DPP10: variants seen among roughly 807,000 people sequenced by gnomAD.
DPP10 encodes dipeptidyl peptidase like 10, also known as inactive dipeptidyl peptidase 10.
DPP10 carries 33 observed loss-of-function variants against 120.9 expected under a neutral mutation model. That is an observed-to-expected ratio of 0.27 (90% confidence interval 0.21 to 0.37). The LOEUF is 0.37. DPP10 is among the 10% of genes least tolerant of loss of function. DPP10 has a pLI of 1.00. For missense variants in DPP10, 816 were observed against 942.8 expected (o/e 0.87, Z 1.76); for synonymous variants, 337 against 326.1 (o/e 1.03, Z -0.36).
Position 115,782,385 on chromosome 2 carries a change from C to T in DPP10, c.1517C>T (p.Thr506Met), listed in dbSNP as rs772423759. 98 of 1,611,966 alleles carry T rather than the reference C, an allele frequency of 6.1e-5. No individual in the cohort carries two copies. Among genetic ancestry groups the T allele is most frequent in the Non-Finnish European group, 7.8e-5 (92 of 1,178,448 alleles). The change falls in exon 17 of 26, where the codon ACG (threonine) becomes ATG (methionine). Residue 506 changes from threonine to methionine, a missense_variant. Around this residue, in one of 3 missense-constraint regions of DPP10, gnomAD observed 592 missense variants for 649.0 expected, o/e 0.91. Coordinates refer to ENST00000410059, the MANE Select transcript of DPP10 (RefSeq NM_020868.6). ...PRVPVVSLHS[T>M]DNPAKYFILE... Reference sequence around the variant, plus strand: ...GTCCCAGTGGTCAGCCTACATAGTACGGACAACCCAGCAAGTGAGTACACA... The same window carrying T: ...GTCCCAGTGGTCAGCCTACATAGTATGGACAACCCAGCAAGTGAGTACACA...
intron 3 of DPP10, among the ~76,000 whole-genome samples, chr2:115,495,584 A>T (rs916019661): frequency 2.0e-5 from 3 of 152,072 alleles, no homozygotes; most frequent in African/African-American, 7.2e-5. Context: ...CTTTGTGTGG[A>T]AGAGGTATAA....
intron 1 of DPP10, among the ~76,000 whole-genome samples, chr2:114,850,673 G>T (rs920207523): frequency 2.0e-5 from 3 of 152,058 alleles, no homozygotes; most frequent in African/African-American, 7.2e-5. Context: ...CCCAGTTTCT[G>T]CTTCCAGACT....
intron 1 of DPP10, among the ~76,000 whole-genome samples, chr2:115,181,158 T>C (rs2054052239): frequency 6.6e-6 from 1 of 152,172 alleles, no homozygotes; most frequent in East Asian, 1.9e-4. Context: ...AGACAAACAG[T>C]TTGGGTGTGA....
chr2:114,529,633 C>G (rs2104723644), intron 1 of DPP10, among the ~76,000 whole-genome samples: 1 of 152,258 alleles, frequency 6.6e-6, no homozygotes, highest in East Asian at 1.9e-4. Context: ...TTTCTTGCCT[C>G]CTCCCATCCC....
At chr2:114,916,161 A>C (rs1297099522) in intron 1 of DPP10, among the ~76,000 whole-genome samples, 1 of 152,216 alleles carries the variant, frequency 6.6e-6, no homozygotes, top group African/African-American at 2.4e-5. Flanking sequence ...CTAACCCCAC[A>C]GAAATACAGA....
intron 1 of DPP10, among the ~76,000 whole-genome samples, chr2:114,479,598 AAAAC>A (rs1680831688): frequency 6.6e-6 from 1 of 152,212 alleles, no homozygotes; most frequent in Admixed American, 6.5e-5. Flanking sequence ...ACACCTGACA[AAAAC>A]AAGCAATGGG....
At chr2:114,636,320 T>G (rs1278890398) in intron 1 of DPP10, among the ~76,000 whole-genome samples, 1 of 152,008 alleles carries the variant, frequency 6.6e-6, no homozygotes, top group African/African-American at 2.4e-5. Context: ...CTAATAATTT[T>G]TATAGCTTCA....
At chr2:115,520,095 G>A (rs947143379) in intron 4 of DPP10, among the ~76,000 whole-genome samples, 1 of 152,102 alleles carries the variant, frequency 6.6e-6, no homozygotes, top group Admixed American at 6.5e-5. Flanking sequence ...AAGGCAGGTG[G>A]ATCATGAGGT....
At chr2:115,075,982 A>C (rs1707755402) in intron 1 of DPP10, among the ~76,000 whole-genome samples, 1 of 152,128 alleles carries the variant, frequency 6.6e-6, no homozygotes, top group Admixed American at 6.5e-5. Context: ...CACACTCAGA[A>C]TCGAAAGACG....
At chr2:114,736,700 A>G (rs1677474133) in intron 1 of DPP10, among the ~76,000 whole-genome samples, 1 of 152,330 alleles carries the variant, frequency 6.6e-6, no homozygotes, top group Admixed American at 6.5e-5. Flanking sequence ...AGATGATCCA[A>G]CTTTCCTCTT....
intron 3 of DPP10, among the ~76,000 whole-genome samples, chr2:115,418,627 C>G (rs569973106): frequency 4.0e-5 from 6 of 151,302 alleles, no homozygotes; most frequent in Non-Finnish European, 2.9e-5. Flanking sequence ...TTTTAATTAG[C>G]TGGGCATGGT....
chr2:115,626,294 T>C (rs2085353234), intron 5 of DPP10, among the ~76,000 whole-genome samples: 1 of 151,978 alleles, frequency 6.6e-6, no homozygotes, highest in Non-Finnish European at 1.5e-5. Context: ...TAACCAAATA[T>C]CAAATTATTT....
rs558194459 is a variant in DPP10 at position 115,007,376 on chromosome 2, C to T, written c.61-301863C>T. Among the ~76,000 whole-genome samples the T allele has an allele frequency of 3.9e-5, 6 of 152,256 alleles. No homozygotes were observed. In the South Asian group the frequency reaches 8.3e-4, roughly 21 times the overall value. On this transcript the variant is annotated intron_variant, in intron 1 of 25. Transcript: ENST00000410059. ...AAGGCCTTTGACAAAATTCAACAACCTTTCATGCTAAAAACTCTCAATAAA... is the reference window on the plus strand; with the variant it reads ...AAGGCCTTTGACAAAATTCAACAACTTTTCATGCTAAAAACTCTCAATAAA...
At chr2:115,650,488 C>T (rs2087669402) in intron 5 of DPP10, among the ~76,000 whole-genome samples, 2 of 151,924 alleles carry the variant, frequency 1.3e-5, no homozygotes, top group South Asian at 2.1e-4. Flanking sequence ...AATTAACTTA[C>T]AAGCCTTATT....
chr2:115,432,889 C>T (rs1324780706), intron 3 of DPP10, among the ~76,000 whole-genome samples: 1 of 151,998 alleles, frequency 6.6e-6, no homozygotes, highest in Non-Finnish European at 1.5e-5. Flanking sequence ...TCCAAAATGT[C>T]AGTAGTGCCA....
Position 115,836,559 on chromosome 2 carries a change from T to C in DPP10, c.2103T>C (p.Thr701=). ...GGATGCCATCTAAGGAAGAAAGCAC[T>C]TACCAGGTAACTAATTTGAAAATAA... The part of the protein sequence containing the change: ...YLGMPSKEES[T]YQAASVLHNV... Residue 701 remains threonine, a synonymous_variant, in exon 23 of 26, where the codon ACT becomes ACC. Transcript: ENST00000410059. The C allele has an allele frequency of 6.2e-7, 1 of 1,613,574 alleles. No individual in the cohort carries two copies. The highest frequency in any genetic ancestry group is 8.5e-7 in the Non-Finnish European group (1 of 1,179,814).
At chr2:114,572,114 A>T (rs1056163932) in intron 1 of DPP10, among the ~76,000 whole-genome samples, 1 of 151,790 alleles carries the variant, frequency 6.6e-6, no homozygotes, top group Non-Finnish European at 1.5e-5. Context: ...ATACACAAAC[A>T]TGTATGCACA....
intron 1 of DPP10, among the ~76,000 whole-genome samples, chr2:115,121,013 G>C (rs2049796227): frequency 6.6e-6 from 1 of 152,206 alleles, no homozygotes; most frequent in South Asian, 2.1e-4. Flanking sequence ...TCTCCCTCAA[G>C]GGATTGCTCA....
In DPP10 at chr2:115,150,549, T is replaced by G. The variant is rs182983783; in HGVS notation, c.61-158690T>G. On this transcript the variant is annotated intron_variant, in intron 1 of 25. Coordinates refer to ENST00000410059, the MANE Select transcript of DPP10 (RefSeq NM_020868.6). ...ATGTTTTCTTGCATATGCTATCTCA[T>G]TCTCTCCATTTGGTTGTACTAAATC... is the stretch of plus-strand genomic sequence containing the variant. Among the ~76,000 whole-genome samples the G allele has an allele frequency of 1.4e-3, 210 of 152,328 alleles. 2 individuals are homozygous for G. Among genetic ancestry groups the G allele is most frequent in the African/African-American group, 4.8e-3 (198 of 41,576 alleles).
Sources: allele counts gnomAD v4.1 joint callset (sites outside exome capture counted in the v4.1 genomes callset), GRCh38; gene constraint gnomAD v4.1.1; regional missense constraint gnomAD v4.1.1; transcripts MANE v1.5; gene names NCBI Gene and HGNC (gene_info 2026-07-23, HGNC 2026-07-21).